PIK3CB: variants seen among roughly 807,000 people sequenced by gnomAD.
PIK3CB encodes phosphatidylinositol-4,5-bisphosphate 3-kinase catalytic subunit beta.
In PIK3CB, 39 loss-of-function variants were observed where a neutral mutation model predicts 136.8. The ratio of observed to expected loss-of-function variants is 0.29; its 90% CI spans 0.22 to 0.37. The LOEUF is 0.37. Ranked by LOEUF, PIK3CB falls within the 10% of genes least tolerant of loss-of-function variation. The pLI, the probability that PIK3CB is intolerant of heterozygous loss-of-function variation, is 1.00. For synonymous variants in PIK3CB, 428 were observed against 436.6 expected (o/e 0.98, Z 0.25); for missense variants, 868 against 1,275.4 (o/e 0.68, Z 4.87).
chr3:138,675,449 A>G (rs2043624971), intron 19 of PIK3CB, among the ~76,000 whole-genome samples: 1 of 152,280 alleles, frequency 6.6e-6, no homozygotes, highest in South Asian at 2.1e-4. Flanking sequence ...ACAATAATAT[A>G]TATGTCCAGG....
At chr3:138,825,078 G>A in intron 1 of PIK3CB, 1 of 247,732 alleles carries the variant, frequency 4.0e-6, no homozygotes, top group Non-Finnish European at 8.0e-6. Flanking sequence ...ATTTGAGAAG[G>A]CAGCTACAGA....
chr3:138,722,051 T>C (rs1201112554), intron 8 of PIK3CB, among the ~76,000 whole-genome samples: 1 of 152,078 alleles, frequency 6.6e-6, no homozygotes, highest in Non-Finnish European at 1.5e-5. Flanking sequence ...GACAGTCAAA[T>C]ATGTAGCCCA....
rs147067246 is a variant in PIK3CB, at chr3:138,715,758, T to A, written c.1051-1039A>T. 3.8e-3 allele frequency among the ~76,000 whole-genome samples: 576 copies of A among 151,608 alleles called. 5 individuals are homozygous for A. Among genetic ancestry groups the A allele is most frequent in the African/African-American group, 0.013 (553 of 41,440 alleles). On this transcript the variant is annotated intron_variant, in intron 8 of 23. Transcript: ENST00000674063. Reference sequence around the variant, plus strand: ...TAAATATTTATAATATAATTATGAGTTTAAAACCTACTAAAATAGTTAAAA... The same window carrying A: ...TAAATATTTATAATATAATTATGAGATTAAAACCTACTAAAATAGTTAAAA...
At chr3:138,803,618 G>A (rs963520173) in intron 1 of PIK3CB, among the ~76,000 whole-genome samples, 2 of 152,148 alleles carry the variant, frequency 1.3e-5, no homozygotes, top group Non-Finnish European at 1.5e-5. Flanking sequence ...GAAAAGTCCT[G>A]GGATGAGGCT....
chr3:138,808,909 T>A (rs1462419235), intron 1 of PIK3CB, among the ~76,000 whole-genome samples: 1 of 152,122 alleles, frequency 6.6e-6, no homozygotes, highest in East Asian at 1.9e-4. Context: ...CTAGTTGATC[T>A]TCAGTTTGGC....
At chr3:138,685,396 CA>C (rs398052626) in intron 16 of PIK3CB, among the ~76,000 whole-genome samples, 179 of 58,342 alleles carry the variant, frequency 3.1e-3, no homozygotes, top group African/African-American at 0.011. Flanking sequence ...GAAACTGTCT[CA>C]AAAAAAAAAA....
At chr3:138,787,237 G>A (rs1007219325) in intron 2 of PIK3CB, among the ~76,000 whole-genome samples, 2 of 151,940 alleles carry the variant, frequency 1.3e-5, no homozygotes, top group Admixed American at 6.6e-5. Context: ...GTGGTGGCAG[G>A]TGCCTGTAAT....
At chr3:138,705,221 G>T (rs1216165101) in intron 11 of PIK3CB, among the ~76,000 whole-genome samples, 1 of 128,108 alleles carries the variant, frequency 7.8e-6, no homozygotes, top group African/African-American at 2.7e-5. Flanking sequence ...GCAAATATAG[G>T]AGGCTATATT....
At chr3:138,771,617 G>T (rs2045801224) in intron 2 of PIK3CB, among the ~76,000 whole-genome samples, 1 of 152,160 alleles carries the variant, frequency 6.6e-6, no homozygotes, top group Non-Finnish European at 1.5e-5. Context: ...TTAAAGAATT[G>T]CTATAACATT....
rs549191620 is a variant in PIK3CB, at chr3:138,720,178, A to G, written c.1051-5459T>C. Among the ~76,000 whole-genome samples, 4 of 152,232 alleles carry G rather than the reference A, an allele frequency of 2.6e-5. No individual in the cohort carries two copies. The East Asian group carries it at 7.7e-4, about 29-fold the overall frequency. On this transcript the variant is annotated intron_variant, in intron 8 of 23. Transcript: ENST00000674063. ...TGAGTTCCTTGACCTAAATATCTCC[A>G]ACTAGGTACTTCTCTCCTTCCCTTC...
intron 1 of PIK3CB, among the ~76,000 whole-genome samples, chr3:138,830,443 C>T (rs1300118402): frequency 1.3e-5 from 2 of 152,084 alleles, no homozygotes; most frequent in East Asian, 3.9e-4. Context: ...ATCCCAGCTA[C>T]TCGGGAGGCT....
intron 4 of PIK3CB, among the ~76,000 whole-genome samples, chr3:138,747,734 A>AG (rs1331451868): frequency 6.6e-6 from 1 of 152,164 alleles, no homozygotes; most frequent in African/African-American, 2.4e-5. Flanking sequence ...CACTATTTCT[A>AG]GGCTGTGATT....
intron 1 of PIK3CB, among the ~76,000 whole-genome samples, chr3:138,821,836 G>A (rs1055848923): frequency 2.6e-5 from 4 of 151,976 alleles, no homozygotes; most frequent in African/African-American, 9.6e-5. Context: ...ATGGAATGGT[G>A]AGTGAATGTG....
At chr3:138,793,366 G>A (rs1385787755) in intron 2 of PIK3CB, among the ~76,000 whole-genome samples, 6 of 152,194 alleles carry the variant, frequency 3.9e-5, no homozygotes, top group Admixed American at 3.9e-4. Context: ...AGCACTTTGG[G>A]AGGCCGAGGG....
chr3:138,696,181 CTTT>C (rs200970812), intron 13 of PIK3CB, among the ~76,000 whole-genome samples: 3 of 139,298 alleles, frequency 2.2e-5, no homozygotes, highest in Admixed American at 1.5e-4. Context: ...AAATTTTAAC[CTTT>C]TTTTTTTTTT....
At chr3:138,672,079 G>T (rs1258199397) in intron 19 of PIK3CB, among the ~76,000 whole-genome samples, 1 of 151,940 alleles carries the variant, frequency 6.6e-6, no homozygotes, top group African/African-American at 2.4e-5. Flanking sequence ...GGAGAAAAAG[G>T]AGAAAAAAAG....
chr3:138,779,968 T>A (rs2045905324), intron 2 of PIK3CB, among the ~76,000 whole-genome samples: 1 of 152,162 alleles, frequency 6.6e-6, no homozygotes. Context: ...AACTTTTTTT[T>A]TTCTTTTGAG....
intron 13 of PIK3CB, among the ~76,000 whole-genome samples, chr3:138,697,361 G>A (rs746255017): frequency 1.3e-5 from 2 of 152,040 alleles, no homozygotes; most frequent in Non-Finnish European, 2.9e-5. Context: ...TTTGGTCTAA[G>A]GTGGAAACAA....
At chr3:138,783,705 AG>A (rs2045945081) in intron 2 of PIK3CB, among the ~76,000 whole-genome samples, 1 of 152,168 alleles carries the variant, frequency 6.6e-6, no homozygotes, top group African/African-American at 2.4e-5. Flanking sequence ...AGCAGAGTAC[AG>A]GGGCAGAATG....
Sources: allele counts gnomAD v4.1 joint callset (sites outside exome capture counted in the v4.1 genomes callset), GRCh38; gene constraint gnomAD v4.1.1; transcripts MANE v1.5; gene names NCBI Gene and HGNC (gene_info 2026-07-23, HGNC 2026-07-21).